The following CDH12 variants were observed in gnomAD, a reference collection of about 807,000 sequenced individuals.
CDH12 encodes the protein cadherin 12.
A neutral mutation model predicts 74.1 loss-of-function variants in CDH12; 41 were observed. The ratio of observed to expected loss-of-function variants is 0.55; its 90% CI spans 0.43 to 0.72. The LOEUF is 0.72. CDH12 is among the 30% of genes least tolerant of loss of function. The pLI is 0.00. For synonymous variants in CDH12, 399 were observed against 355.0 expected, an observed-to-expected ratio of 1.12 and a Z score of -1.39; for missense variants, 945 against 977.2, an observed-to-expected ratio of 0.97 and a Z score of 0.44.
chr5:22,773,599 C>T (rs1365465580), intron 1 of CDH12, among the ~76,000 whole-genome samples: 1 of 152,066 alleles, frequency 6.6e-6, no homozygotes, highest in Non-Finnish European at 1.5e-5. Context: ...GCAAAAACTT[C>T]ATGACTATTC....
intron 8 of CDH12, among the ~76,000 whole-genome samples, chr5:21,824,431 C>T (rs1426151771): frequency 2.6e-5 from 4 of 152,076 alleles, no homozygotes; most frequent in African/African-American, 7.2e-5. Context: ...AGATTTCAGG[C>T]GACCCACTCC....
intron 2 of CDH12, among the ~76,000 whole-genome samples, chr5:22,459,119 T>C (rs1262283209): frequency 6.6e-6 from 1 of 152,150 alleles, no homozygotes; most frequent in African/African-American, 2.4e-5. Flanking sequence ...CAATACAACA[T>C]GTACTCTGTT....
chr5:22,773,042 T>C (rs568134024), intron 1 of CDH12, among the ~76,000 whole-genome samples: 2 of 152,222 alleles, frequency 1.3e-5, no homozygotes, highest in South Asian at 2.1e-4. Context: ...TGTTCATTGA[T>C]TGGAAAAATC....
intron 1 of CDH12, among the ~76,000 whole-genome samples, chr5:22,671,398 G>C (rs1740892352): frequency 6.6e-6 from 1 of 152,118 alleles, no homozygotes; most frequent in South Asian, 2.1e-4. Flanking sequence ...ACAGTAGATG[G>C]AAAATACAGT....
intron 5 of CDH12, among the ~76,000 whole-genome samples, chr5:22,068,852 CCAA>C (rs1237104080): frequency 6.6e-6 from 1 of 152,154 alleles, no homozygotes; most frequent in Non-Finnish European, 1.5e-5. Context: ...TGGCATGAGA[CCAA>C]CAACACACAG....
chr5:22,594,486 C>T (rs1447362796), intron 1 of CDH12, among the ~76,000 whole-genome samples: 3 of 152,118 alleles, frequency 2.0e-5, no homozygotes, highest in South Asian at 2.1e-4. Context: ...ACCGACCTCC[C>T]TATATCCTTC....
At chr5:22,191,153 C>A (rs1258108275) in intron 4 of CDH12, among the ~76,000 whole-genome samples, 1 of 152,018 alleles carries the variant, frequency 6.6e-6, no homozygotes, top group Non-Finnish European at 1.5e-5. Flanking sequence ...ACTACATGGA[C>A]GCTTCCCTTT....
Position 22,020,011 on chromosome 5 carries a change from G to GA in CDH12, c.232-44627dup, listed in dbSNP as rs1561026172. ...AAAAATGATACATAGCATTGGAGAC[G>GA]AAAAAAATAAAAAAGCATAGGAGGC... On this transcript the variant is annotated intron_variant, in intron 5 of 14. Coordinates refer to ENST00000382254, the MANE Select transcript of CDH12 (RefSeq NM_004061.5). Among the ~76,000 whole-genome samples, 4 of 151,992 alleles carry GA rather than the reference G, an allele frequency of 2.6e-5. No individual in the cohort carries two copies. The South Asian group carries it at 6.2e-4, about 24-fold the overall frequency.
At chr5:22,116,805 G>C (rs1745141213) in intron 4 of CDH12, among the ~76,000 whole-genome samples, 1 of 150,148 alleles carries the variant, frequency 6.7e-6, no homozygotes, top group African/African-American at 2.5e-5. Context: ...CAACAATAGG[G>C]AACTAACACA....
intron 3 of CDH12, among the ~76,000 whole-genome samples, chr5:22,306,057 T>G (rs1381635089): frequency 6.6e-6 from 1 of 152,184 alleles, no homozygotes; most frequent in Non-Finnish European, 1.5e-5. Flanking sequence ...CTGTTATAAT[T>G]CTCTCCCTGT....
At chr5:22,355,522 AAATAT>A (rs766518104) in intron 3 of CDH12, among the ~76,000 whole-genome samples, 4 of 110,874 alleles carry the variant, frequency 3.6e-5, no homozygotes, top group Admixed American at 8.7e-5. Flanking sequence ...CTTAAAAAAA[AAATAT>A]ATATATATAT....
chr5:22,077,960 T>G (rs1742445100), intron 5 of CDH12, among the ~76,000 whole-genome samples: 1 of 152,076 alleles, frequency 6.6e-6, no homozygotes. Flanking sequence ...AAATGGCACA[T>G]CACATTTTAA....
In CDH12 at chr5:21,992,571, G is replaced by A. The variant is rs189881629; in HGVS notation, c.232-17186C>T. Among the ~76,000 whole-genome samples the A allele has an allele frequency of 4.0e-3, 604 of 151,966 alleles. 3 individuals carry two copies. Among genetic ancestry groups the A allele is most frequent in the Non-Finnish European group, 5.8e-3 (395 of 67,968 alleles). On this transcript the variant is annotated intron_variant, in intron 5 of 14. Coordinates refer to ENST00000382254, the MANE Select transcript of CDH12 (RefSeq NM_004061.5). Reference sequence around the variant, plus strand: ...GAATTATGTGTGTGCATACGTGTTCGTAGAACATTTTCTTAAAACTGACAC... The same window carrying A: ...GAATTATGTGTGTGCATACGTGTTCATAGAACATTTTCTTAAAACTGACAC...
Position 22,013,515 on chromosome 5 carries a change from A to C in CDH12, c.232-38130T>G, listed in dbSNP as rs547299639. Among the ~76,000 whole-genome samples the C allele has an allele frequency of 2.6e-5, 4 of 151,620 alleles. No homozygotes were observed. In the East Asian group the frequency reaches 7.8e-4, roughly 30 times the overall value. ...TGTAAATACATATATAAATAGATAAATAGATGTTTAGTGGAATGTAGATTT... is the reference window on the plus strand; with the variant it reads ...TGTAAATACATATATAAATAGATAACTAGATGTTTAGTGGAATGTAGATTT... On this transcript the variant is annotated intron_variant, in intron 5 of 14. Coordinates refer to ENST00000382254, the MANE Select transcript of CDH12 (RefSeq NM_004061.5).
intron 5 of CDH12, among the ~76,000 whole-genome samples, chr5:21,983,495 T>C (rs1366297185): frequency 6.6e-6 from 1 of 152,116 alleles, no homozygotes; most frequent in African/African-American, 2.4e-5. Flanking sequence ...TATGTGTTTA[T>C]TTGGGTTTGT....
chr5:22,026,148 CT>C (rs1447518791), intron 5 of CDH12, among the ~76,000 whole-genome samples: 3 of 152,120 alleles, frequency 2.0e-5, no homozygotes, highest in African/African-American at 7.2e-5. Flanking sequence ...TATCAATTTA[CT>C]TTGCCCAGAT....
chr5:21,808,579 C>A (rs58679078), intron 9 of CDH12, among the ~76,000 whole-genome samples: 1 of 151,796 alleles, frequency 6.6e-6, no homozygotes, highest in East Asian at 1.9e-4. Flanking sequence ...CAGATTTATA[C>A]CAGGCTGAAC....
At chr5:22,107,045 T>C (rs1208555559) in intron 4 of CDH12, among the ~76,000 whole-genome samples, 1 of 152,046 alleles carries the variant, frequency 6.6e-6, no homozygotes, top group African/African-American at 2.4e-5. Flanking sequence ...CCCATTCTAC[T>C]GGGGTCCTAG....
At chr5:21,938,022 T>C (rs553640249) in intron 6 of CDH12, among the ~76,000 whole-genome samples, 1 of 152,282 alleles carries the variant, frequency 6.6e-6, no homozygotes, top group East Asian at 1.9e-4. Context: ...GTTCCTTTGA[T>C]AGACAACCCC....
Sources: allele counts gnomAD v4.1 joint callset (sites outside exome capture counted in the v4.1 genomes callset), GRCh38; gene constraint gnomAD v4.1.1; transcripts MANE v1.5; gene names NCBI Gene and HGNC (gene_info 2026-07-23, HGNC 2026-07-21).